The following FHIT variants were observed in gnomAD, a reference collection of about 807,000 sequenced individuals.
FHIT encodes fragile histidine triad diadenosine triphosphatase.
FHIT carries 19 observed loss-of-function variants against 17.9 expected under a neutral mutation model. The observed-to-expected ratio is 1.06, with a 90% CI of 0.74 to 1.56. The LOEUF is 1.56. Among genes scored for constraint, FHIT ranks in the 40% most tolerant of loss-of-function variants. The pLI is 0.00. For synonymous variants in FHIT, 81 were observed against 69.7 expected (o/e 1.16, Z -0.81); for missense variants, 248 against 189.2 (o/e 1.31, Z -1.82).
chr3:61,154,630 G>A (rs902395163), intron 2 of FHIT, among the ~76,000 whole-genome samples: 1 of 152,138 alleles, frequency 6.6e-6, no homozygotes, highest in Non-Finnish European at 1.5e-5. Flanking sequence ...CGTGTCCTTG[G>A]GGACATGGGA....
At chr3:60,467,881 A>G (rs1303864850) in intron 5 of FHIT, among the ~76,000 whole-genome samples, 2 of 152,088 alleles carry the variant, frequency 1.3e-5, no homozygotes, top group East Asian at 1.9e-4. Flanking sequence ...TGTCTGGATG[A>G]TATTTCCAAT....
At chr3:59,999,304 A>G (rs1328610944) in intron 7 of FHIT, among the ~76,000 whole-genome samples, 1 of 152,158 alleles carries the variant, frequency 6.6e-6, no homozygotes, top group Non-Finnish European at 1.5e-5. Flanking sequence ...AGAATAGACT[A>G]ACAGGGCCCA....
At chr3:60,445,708 A>G (rs1161482193) in intron 5 of FHIT, among the ~76,000 whole-genome samples, 1 of 151,970 alleles carries the variant, frequency 6.6e-6, no homozygotes, top group East Asian at 1.9e-4. Flanking sequence ...CCCTGTAGAC[A>G]CACGATTTTC....
chr3:60,322,872 T>C (rs945168749), intron 5 of FHIT, among the ~76,000 whole-genome samples: 17 of 152,124 alleles, frequency 1.1e-4, no homozygotes, highest in African/African-American at 4.1e-4. Flanking sequence ...ATATCCCAAA[T>C]TTGAACCGTC....
intron 4 of FHIT, among the ~76,000 whole-genome samples, chr3:60,592,903 G>T (rs1553664895): frequency 6.6e-6 from 1 of 152,090 alleles, no homozygotes; most frequent in Non-Finnish European, 1.5e-5. Flanking sequence ...TTTACAGTGG[G>T]TTCCTGTGCC....
intron 2 of FHIT, among the ~76,000 whole-genome samples, chr3:61,102,523 GT>G (rs1348896172): frequency 1.3e-5 from 2 of 152,000 alleles, no homozygotes; most frequent in African/African-American, 4.8e-5. Context: ...CTCTTTTTTT[GT>G]TGTGTCTCTT....
Position 60,272,096 on chromosome 3 carries a change from C to T in FHIT, c.104-257944G>A, listed in dbSNP as rs180815924. Among the ~76,000 whole-genome samples the T allele has an allele frequency of 6.8e-4, 103 of 152,286 alleles. 1 individual carries two copies. Among genetic ancestry groups the T allele is most frequent in the Middle Eastern group, 6.8e-3 (2 of 294 alleles). Reference sequence around the variant, plus strand: ...TACACCACGCTGCAGTACTGCCTCCCGTATTCTAGTCCTCTCATGAAGGCT... The same window carrying T: ...TACACCACGCTGCAGTACTGCCTCCTGTATTCTAGTCCTCTCATGAAGGCT... On this transcript the variant is annotated intron_variant, in intron 5 of 9. Transcript: ENST00000492590.
intron 5 of FHIT, among the ~76,000 whole-genome samples, chr3:60,237,988 T>A (rs1559752333): frequency 6.6e-6 from 1 of 150,788 alleles, no homozygotes; most frequent in Non-Finnish European, 1.5e-5. Flanking sequence ...ATAATAATAA[T>A]AAAAAAAATC....
At chr3:59,958,725 T>C (rs80080413) in intron 7 of FHIT, among the ~76,000 whole-genome samples, 1,537 of 152,294 alleles carry the variant, frequency 0.01, 28 homozygotes, top group African/African-American at 0.035. Context: ...ATTTCTACTC[T>C]GAAACAGATG....
At chr3:60,719,790 G>A (rs1716745) in intron 4 of FHIT, among the ~76,000 whole-genome samples, 2,372 of 152,190 alleles carry the variant, frequency 0.016, 66 homozygotes, top group African/African-American at 0.053. Flanking sequence ...GGCATTCATC[G>A]TCTACTCCTT....
At chr3:59,890,185 G>A (rs781685552) in intron 8 of FHIT, among the ~76,000 whole-genome samples, 4 of 151,978 alleles carry the variant, frequency 2.6e-5, no homozygotes, top group Admixed American at 2.6e-4. Flanking sequence ...TCTTTGAGAG[G>A]ATAAAGCCTG....
At chr3:60,122,564 A>G (rs1338290830) in intron 5 of FHIT, among the ~76,000 whole-genome samples, 9 of 152,180 alleles carry the variant, frequency 5.9e-5, no homozygotes, top group African/African-American at 2.2e-4. Flanking sequence ...TAAACCTCTA[A>G]GAGATCATTT....
At chr3:59,927,836 G>A (rs1705749570) in intron 7 of FHIT, among the ~76,000 whole-genome samples, 1 of 152,098 alleles carries the variant, frequency 6.6e-6, no homozygotes, top group Admixed American at 6.5e-5. Context: ...AGCAGGAGGT[G>A]AAATAGAGAC....
At chr3:60,331,803 G>A (rs556132143) in intron 5 of FHIT, among the ~76,000 whole-genome samples, 11 of 151,008 alleles carry the variant, frequency 7.3e-5, no homozygotes, top group Admixed American at 3.3e-4. Context: ...CCGAGATTGC[G>A]CCGTTGCACT....
At chr3:60,880,119 AAAC>A (rs1285628395) in intron 3 of FHIT, among the ~76,000 whole-genome samples, 2 of 152,290 alleles carry the variant, frequency 1.3e-5, no homozygotes, top group South Asian at 2.1e-4. Flanking sequence ...AGAATTCTAA[AAAC>A]AACAAGAGAA....
intron 4 of FHIT, among the ~76,000 whole-genome samples, chr3:60,754,254 T>C (rs1197066021): frequency 1.3e-5 from 2 of 152,116 alleles, no homozygotes; most frequent in African/African-American, 2.4e-5. Context: ...ACCTGAAAAA[T>C]GAAAACCAGC....
intron 8 of FHIT, among the ~76,000 whole-genome samples, chr3:59,828,271 T>C (rs558199916): frequency 1.3e-5 from 2 of 152,360 alleles, no homozygotes; most frequent in African/African-American, 2.4e-5. Flanking sequence ...GAGAAAGCAG[T>C]AAAACACATT....
intron 2 of FHIT, among the ~76,000 whole-genome samples, chr3:61,128,621 C>T (rs2036678141): frequency 1.3e-5 from 2 of 152,096 alleles, no homozygotes; most frequent in Non-Finnish European, 2.9e-5. Context: ...GATTATCCCC[C>T]AAAAGCAGCA....
intron 5 of FHIT, among the ~76,000 whole-genome samples, chr3:60,423,551 CCTAAA>C (rs1356752334): frequency 2.0e-5 from 3 of 152,036 alleles, no homozygotes; most frequent in African/African-American, 4.8e-5. Flanking sequence ...TAAAGAACAG[CCTAAA>C]CTAAATGTTT....
Sources: gnomAD v4.1 joint callset for allele counts (sites outside exome capture counted in the v4.1 genomes callset) on GRCh38, gnomAD v4.1.1 for gene constraint, MANE v1.5 for transcripts, NCBI Gene and HGNC (gene_info 2026-07-23, HGNC 2026-07-21) for gene names.